Variants in FADS2 observed in about 807,000 individuals in gnomAD.
FADS2 encodes fatty acid desaturase 2.
Under a neutral mutation model 61.2 loss-of-function variants are expected in FADS2, and 18 were observed. That is an observed-to-expected ratio of 0.29 (90% CI 0.20 to 0.44). The LOEUF (loss-of-function observed/expected upper bound fraction) is 0.44. Among genes scored for constraint, FADS2 ranks in the 20% least tolerant of loss-of-function variants. The pLI, the probability that FADS2 is intolerant of heterozygous loss-of-function variation, is 1.00. For synonymous variants in FADS2, 203 were observed against 223.9 expected, an observed-to-expected ratio of 0.91 and a Z score of 0.83; for missense variants, 322 against 572.7, an observed-to-expected ratio of 0.56 and a Z score of 4.47.
intron 1 of FADS2, among the ~76,000 whole-genome samples, chr11:61,835,192 C>T (rs547870806): frequency 2.0e-5 from 3 of 152,202 alleles, no homozygotes; most frequent in East Asian, 1.9e-4. Flanking sequence ...TTTAAGAAAC[C>T]GTGGGCCCAG....
intron 1 of FADS2, among the ~76,000 whole-genome samples, chr11:61,832,162 C>T (rs1010820350): frequency 6.6e-5 from 10 of 152,142 alleles, no homozygotes; most frequent in African/African-American, 1.9e-4. Context: ...TGTTCCTGCC[C>T]GGTCTGCATT....
chr11:61,857,963 A>G (rs547985073), intron 7 of FADS2, among the ~76,000 whole-genome samples: 2 of 152,298 alleles, frequency 1.3e-5, no homozygotes, highest in African/African-American at 4.8e-5. Context: ...AGCACCACGA[A>G]CTGAGTGGCA....
At position 61,863,065 on chromosome 11, in the gene FADS2, A is replaced by T; in HGVS notation, c.976A>T (p.Ile326Phe). The T allele has an allele frequency of 6.2e-7, 1 of 1,613,262 alleles. No individual in the cohort carries two copies. The highest frequency in any genetic ancestry group is 8.5e-7 in the Non-Finnish European group (1 of 1,179,232). Residue 326 changes from isoleucine to phenylalanine, a missense_variant, in exon 8 of 12, where the codon ATC becomes TTC. Ile to Phe is a conservative substitution (Grantham distance 21). Coordinates refer to ENST00000278840, the MANE Select transcript of FADS2 (RefSeq NM_004265.4). ...ILGALLFLNFIRFLESHWFVW... is the reference protein window; with the variant it reads ...ILGALLFLNFFRFLESHWFVW... ...GGGAGCCCTCCTTTTCCTCAACTTC[A>T]TCAGGTGCCTGGGCTTTGCTGATTC...
chr11:61,861,665 C>T (rs944453959), intron 7 of FADS2, among the ~76,000 whole-genome samples: 1 of 152,206 alleles, frequency 6.6e-6, no homozygotes, highest in African/African-American at 2.4e-5. Context: ...GTCCTGCCCT[C>T]GGCCAATGTT....
At chr11:61,858,152 TG>T (rs1251518030) in intron 7 of FADS2, among the ~76,000 whole-genome samples, 7 of 152,228 alleles carry the variant, frequency 4.6e-5, no homozygotes, top group South Asian at 2.1e-4. Context: ...TATCTGTATC[TG>T]TGTCCAAATA....
chr11:61,864,797 A>T (rs1244986036), intron 10 of FADS2, among the ~76,000 whole-genome samples: 1 of 150,914 alleles, frequency 6.6e-6, no homozygotes, highest in East Asian at 2.0e-4. Context: ...CGGCCTCCCA[A>T]AATGCTGGGA....
intron 7 of FADS2, chr11:61,861,844 T>G (rs1184355295): frequency 6.6e-6 from 1 of 152,294 alleles, no homozygotes; most frequent in East Asian, 1.9e-4. Context: ...GTCACCTCCT[T>G]GTCAGTGCCG....
chr11:61,827,506 T>C (rs1385927984), upstream of FADS2: 1 of 152,240 alleles, frequency 6.6e-6, no homozygotes, highest in East Asian at 1.9e-4. The surrounding 1 kb of genome is among the most constrained non-coding windows in gnomAD (Gnocchi z 4.5). Flanking sequence ...CTTGTGTCTC[T>C]AGGGAGGTTG....
At position 61,867,092 on chromosome 11, in the gene FADS2, C is replaced by T. The variant is rs1397703235; in HGVS notation, c.*1403C>T. The T allele has an allele frequency of 6.6e-6, 1 of 152,258 alleles. No individual in the cohort carries two copies. Among genetic ancestry groups the T allele is most frequent in the Non-Finnish European group, 1.5e-5 (1 of 68,054 alleles). 9.4% of individuals were successfully genotyped at this position (152,258 alleles called of 1,614,324 possible). ...TTGCAGTCTAACCCACTAATCAGTT[C>T]TTAGATTCAGGGGAAGGGCAGGCAC... On this transcript the variant is annotated 3_prime_UTR_variant, in exon 12 of 12. Transcript: ENST00000278840.
intron 5 of FADS2, among the ~76,000 whole-genome samples, chr11:61,851,869 T>C (rs999628211): frequency 6.6e-6 from 1 of 152,280 alleles, no homozygotes; most frequent in African/African-American, 2.4e-5. Flanking sequence ...GGATTCTTTT[T>C]GTCATATGTA....
Position 61,865,591 on chromosome 11 carries a change from C to G in FADS2, c.1284-47C>G, listed in dbSNP as rs759246862. ...TCCTCAGCCCTTGCACTCCCTGGGG[C>G]CACTCCCGTCCTGGTCCCTGACCCT... is the stretch of plus-strand genomic sequence containing the variant. On this transcript the variant is annotated intron_variant, in intron 11 of 11. Coordinates refer to ENST00000278840, the MANE Select transcript of FADS2 (RefSeq NM_004265.4). The surrounding 1 kb of genome is among the most constrained non-coding windows in gnomAD (Gnocchi z 4.1). 44 of 1,571,018 alleles carry G rather than the reference C, an allele frequency of 2.8e-5. No homozygotes were observed. The highest frequency in any genetic ancestry group is 3.5e-5 in the Non-Finnish European group (40 of 1,143,852).
chr11:61,839,221 G>T (rs2067198840), intron 2 of FADS2, among the ~76,000 whole-genome samples: 1 of 152,134 alleles, frequency 6.6e-6, no homozygotes, highest in Non-Finnish European at 1.5e-5. Flanking sequence ...GCTAGTTTGT[G>T]TCGCCCCCAA....
chr11:61,838,500 G>C (rs2067193360), intron 2 of FADS2, among the ~76,000 whole-genome samples: 1 of 152,000 alleles, frequency 6.6e-6, no homozygotes, highest in African/African-American at 2.4e-5. Flanking sequence ...GTACCCACAG[G>C]CTGTGACCAG....
chr11:61,859,322 G>T (rs909437266), intron 7 of FADS2, among the ~76,000 whole-genome samples: 2 of 152,174 alleles, frequency 1.3e-5, no homozygotes, highest in Non-Finnish European at 2.9e-5. Context: ...CTCCCAAAGT[G>T]CTGGGATTAC....
At chr11:61,850,425 A>G (rs1386716832) in intron 5 of FADS2, among the ~76,000 whole-genome samples, 1 of 151,848 alleles carries the variant, frequency 6.6e-6, no homozygotes. Flanking sequence ...TAATTTTCTC[A>G]TTTTTAGTAG....
chr11:61,850,835 G>T (rs574813585), intron 5 of FADS2, among the ~76,000 whole-genome samples: 1 of 152,112 alleles, frequency 6.6e-6, no homozygotes, highest in African/African-American at 2.4e-5. Context: ...GAGTGGCACC[G>T]TGAGTGAAGT....
chr11:61,846,776 C>T (rs1645031804), intron 4 of FADS2: 2 of 152,054 alleles, frequency 1.3e-5, no homozygotes, highest in Non-Finnish European at 2.9e-5. Flanking sequence ...TGTTATGTGT[C>T]TTGTCTCATG....
chr11:61,856,709 T>C (rs97384), intron 5 of FADS2: 208,146 of 385,744 alleles, frequency 0.54, 62,089 homozygotes, highest in South Asian at 0.73. Flanking sequence ...TCCTGTGGCC[T>C]TGGGCCATGG....
At chr11:61,833,206 C>T (rs1056163599) in intron 1 of FADS2, among the ~76,000 whole-genome samples, 12 of 152,224 alleles carry the variant, frequency 7.9e-5, no homozygotes, top group Non-Finnish European at 1.3e-4. Flanking sequence ...CCAATCCTTT[C>T]TCTTCCCCAT....
Sources: allele counts gnomAD v4.1 joint callset (sites outside exome capture counted in the v4.1 genomes callset), GRCh38; gene constraint gnomAD v4.1.1; non-coding constraint Gnocchi (gnomAD v3.1); transcripts MANE v1.5; gene names NCBI Gene and HGNC (gene_info 2026-07-23, HGNC 2026-07-21).